The following TIAM2 variants were observed in gnomAD, a reference collection of about 807,000 sequenced individuals.
TIAM2 encodes the protein TIAM Rac1 associated GEF 2.
TIAM2 carries 80 observed loss-of-function variants against 152.9 expected under a neutral mutation model. That is an observed-to-expected ratio of 0.52 (90% CI 0.44 to 0.63). The LOEUF is 0.63. Ranked by LOEUF, TIAM2 falls within the 30% of genes least tolerant of loss-of-function variation. The pLI, the probability that TIAM2 is intolerant of heterozygous loss-of-function variation, is 0.00. For synonymous variants in TIAM2, 804 were observed against 838.0 expected, an observed-to-expected ratio of 0.96 and a Z score of 0.70; for missense variants, 1,965 against 2,120.1, an observed-to-expected ratio of 0.93 and a Z score of 1.44.
intron 1 of TIAM2, among the ~76,000 whole-genome samples, chr6:154,997,236 A>G (rs978398386): frequency 6.6e-6 from 1 of 152,214 alleles, no homozygotes; most frequent in African/African-American, 2.4e-5. Flanking sequence ...TGTGTCAGTC[A>G]AATACCTTCT....
intron 14 of TIAM2, 125 bp from the exon 15 acceptor site, chr6:155,211,079 G>A: frequency 1.5e-6 from 1 of 669,552 alleles, no homozygotes; most frequent in African/African-American, 1.8e-5. Context: ...TGTCATTCAG[G>A]ACTGCTCTGT....
intron 2 of TIAM2, among the ~76,000 whole-genome samples, chr6:155,116,157 TGG>T (rs1164566100): frequency 1.3e-5 from 2 of 152,184 alleles, no homozygotes; most frequent in Non-Finnish European, 2.9e-5. Flanking sequence ...TCATCTACTT[TGG>T]ATATGAAAAA....
chr6:155,182,259 A>G lies in TIAM2; in HGVS notation c.2741A>G (p.Gln914Arg), dbSNP rs1343541022. Reference protein sequence around the residue: ...FAVTAQVDERQHLSRIFISDV... With the variant: ...FAVTAQVDERRHLSRIFISDV... ...GTTACAGCGCAGGTGGATGAGCGTC[A>G]GCATCTCAGCCGGATATTTATAAGC... Residue 914 changes from glutamine to arginine, a missense_variant, in exon 13 of 27, where the codon CAG (glutamine) becomes CGG (arginine). By Grantham distance (43) the Gln-to-Arg change is conservative. This residue lies in a region of TIAM2 where 935 missense variants were observed against 980.0 expected (regional missense o/e 0.95). Coordinates refer to ENST00000682666, the MANE Select transcript of TIAM2 (RefSeq NM_012454.4). 3 of 1,614,196 alleles carry G rather than the reference A, an allele frequency of 1.9e-6. No homozygotes were observed. The highest frequency in any genetic ancestry group is 2.2e-5 in the South Asian group (2 of 91,082).
chr6:155,244,626 T>A, intron 17 of TIAM2, 32 bp from the exon 18 acceptor site: 2 of 1,609,370 alleles, frequency 1.2e-6, no homozygotes, highest in Non-Finnish European at 1.7e-6. Flanking sequence ...TCATGGCTAA[T>A]CCCCTCATTT....
intron 1 of TIAM2, among the ~76,000 whole-genome samples, chr6:155,061,188 C>T (rs1777572269): frequency 6.6e-6 from 1 of 152,158 alleles, no homozygotes; most frequent in Admixed American, 6.6e-5. Flanking sequence ...TCCATGTGTA[C>T]ACACATTTAT....
intron 1 of TIAM2, among the ~76,000 whole-genome samples, chr6:155,010,143 G>A (rs1156724414): frequency 6.6e-6 from 1 of 152,220 alleles, no homozygotes; most frequent in Non-Finnish European, 1.5e-5. Flanking sequence ...GCCAGATTCT[G>A]TATACTCTTG....
In TIAM2 at chr6:155,248,067, G is replaced by C. The variant is rs1281000314; in HGVS notation, c.3720G>C (p.Thr1240=). The C allele has an allele frequency of 1.1e-5, 17 of 1,614,076 alleles. No individual in the cohort carries two copies. Among genetic ancestry groups the C allele is most frequent in the African/African-American group, 2.7e-5 (2 of 74,926 alleles). ...ACCCCACCAAGCAGCATTCCTCCAC[G>C]CTGGAGTCCTACCTCATCAAGCCGG... ...ARNPTKQHSS[T]LESYLIKPVQ... is the part of the protein sequence containing the mutation. Residue 1240 remains threonine, a synonymous_variant, in exon 20 of 27, where the codon ACG becomes ACC. Coordinates refer to ENST00000682666, the MANE Select transcript of TIAM2 (RefSeq NM_012454.4).
At chr6:155,113,966 G>A (rs146112232) in intron 2 of TIAM2, among the ~76,000 whole-genome samples, 32 of 131,624 alleles carry the variant, frequency 2.4e-4, no homozygotes, top group Admixed American at 2.6e-4. Flanking sequence ...GCTAAATATC[G>A]TTGAACTCCT....
intron 2 of TIAM2, among the ~76,000 whole-genome samples, chr6:155,126,427 T>A (rs1583203827): frequency 6.6e-6 from 1 of 152,240 alleles, no homozygotes; most frequent in East Asian, 1.9e-4. Context: ...TGCTGCCCTG[T>A]ACATTTAAAA....
intron 7 of TIAM2, among the ~76,000 whole-genome samples, chr6:155,159,583 T>C (rs1780211591): frequency 2.6e-5 from 4 of 152,174 alleles, no homozygotes; most frequent in East Asian, 1.9e-4. Flanking sequence ...TGCAATTTCA[T>C]TGTGAATGTT....
chr6:155,035,296 C>A (rs1317354279), intron 1 of TIAM2, among the ~76,000 whole-genome samples: 1 of 150,890 alleles, frequency 6.6e-6, no homozygotes, highest in Non-Finnish European at 1.5e-5. Flanking sequence ...GATCTTGGCT[C>A]ACTGCATTTC....
chr6:155,248,384 A>AT lies in TIAM2; in HGVS notation c.3832+206dup, dbSNP rs1235537664. On this transcript the variant is annotated intron_variant, in intron 20 of 26. Coordinates refer to ENST00000682666, the MANE Select transcript of TIAM2 (RefSeq NM_012454.4). ...TGGGCACTCCTTTAGAGCTTACAAAATACTTGGGTAGAAATGATCTCATCC... is the reference window on the plus strand; with the variant it reads ...TGGGCACTCCTTTAGAGCTTACAAAATTACTTGGGTAGAAATGATCTCATCC... Among the ~76,000 whole-genome samples the AT allele has an allele frequency of 5.9e-5, 9 of 152,346 alleles. No individual in the cohort carries two copies. The South Asian group carries it at 8.3e-4, about 14-fold the overall frequency.
intron 1 of TIAM2, among the ~76,000 whole-genome samples, chr6:155,045,840 CTTTTTTTTTT>C (rs11354850): frequency 8.3e-5 from 5 of 60,496 alleles, no homozygotes; most frequent in African/African-American, 2.0e-4. Context: ...ATAGTGCCCT[CTTTTTTTTTT>C]TTTTTTTTTT....
At chr6:155,127,294 C>A (rs1779317138) in intron 2 of TIAM2, among the ~76,000 whole-genome samples, 196 bp from the exon 3 acceptor site, 1 of 152,152 alleles carries the variant, frequency 6.6e-6, no homozygotes, top group Non-Finnish European at 1.5e-5. Flanking sequence ...GTGGCCTTTG[C>A]AAGACTGGGT....
chr6:155,254,512 G>GAAA lies in TIAM2; in HGVS notation c.4409_4411dup (p.Lys1470dup), dbSNP rs779984651. On this transcript the variant is annotated inframe_insertion, in exon 26 of 27. Coordinates refer to ENST00000682666, the MANE Select transcript of TIAM2 (RefSeq NM_012454.4). ...ACATAAAGTGTGAATTACCACTGGA[G>GAAA]AAAACGTGTAAGGATCGCCTGGTAC... is the stretch of plus-strand genomic sequence containing the variant. The GAAA allele has an allele frequency of 8.7e-6, 14 of 1,614,060 alleles. No homozygotes were observed. Among genetic ancestry groups the GAAA allele is most frequent in the Non-Finnish European group, 1.2e-5 (14 of 1,180,004 alleles).
chr6:155,049,999 G>A (rs1777283138), intron 1 of TIAM2, among the ~76,000 whole-genome samples: 1 of 152,098 alleles, frequency 6.6e-6, no homozygotes, highest in African/African-American at 2.4e-5. Context: ...TTTTGCTTTA[G>A]GTTCAGAGTA....
At chr6:155,058,603 A>G (rs9397772) in intron 1 of TIAM2, among the ~76,000 whole-genome samples, 17,936 of 152,238 alleles carry the variant, frequency 0.12, 1,477 homozygotes, top group African/African-American at 0.23. Flanking sequence ...ACAGTATTCC[A>G]TTAAATCCTC....
chr6:155,000,959 G>T (rs1175416255), intron 1 of TIAM2, among the ~76,000 whole-genome samples: 1 of 152,172 alleles, frequency 6.6e-6, no homozygotes, highest in African/African-American at 2.4e-5. Flanking sequence ...ACTCCAGCCT[G>T]GGCGACAGAG....
intron 15 of TIAM2, among the ~76,000 whole-genome samples, chr6:155,236,182 A>C (rs1416302959): frequency 6.6e-6 from 1 of 151,872 alleles, no homozygotes; most frequent in Admixed American, 6.6e-5. Context: ...CATGGCTGTG[A>C]TTCCGTCAAT....
Sources: allele counts gnomAD v4.1 joint callset (sites outside exome capture counted in the v4.1 genomes callset), GRCh38; gene constraint gnomAD v4.1.1; regional missense constraint gnomAD v4.1.1; transcripts MANE v1.5; gene names NCBI Gene and HGNC (gene_info 2026-07-23, HGNC 2026-07-21).